SH2B2: variants seen among roughly 807,000 people sequenced by gnomAD.
SH2B2 encodes the protein SH2B adapter protein 2.
In SH2B2, 37 loss-of-function variants were observed where a neutral mutation model predicts 35.7. The ratio of observed to expected loss-of-function variants is 1.04; its 90% CI spans 0.80 to 1.36. SH2B2 has a LOEUF of 1.36. Among genes scored for constraint, SH2B2 ranks in the 40% most tolerant of loss-of-function variants. The probability of loss-of-function intolerance (pLI) is 0.00; values close to 1 mark genes in which losing one functional copy is unlikely to be tolerated. For synonymous variants in SH2B2, 383 were observed against 376.4 expected (o/e 1.02, Z -0.20); for missense variants, 852 against 817.7 (o/e 1.04, Z -0.51).
intron 1 of SH2B2, among the ~76,000 whole-genome samples, chr7:102,289,076 T>C (rs1586560619): frequency 6.6e-6 from 1 of 152,240 alleles, no homozygotes; most frequent in East Asian, 1.9e-4. Flanking sequence ...CTATGCTCTG[T>C]CTAGGGGGAT....
intron 1 of SH2B2, among the ~76,000 whole-genome samples, chr7:102,287,405 G>A (rs1792497748): frequency 6.6e-6 from 1 of 152,198 alleles, no homozygotes; most frequent in Non-Finnish European, 1.5e-5. Context: ...CGGGTAGTGG[G>A]GCGAGAGCAG....
chr7:102,308,829 C>A lies in SH2B2; in HGVS notation c.846C>A (p.Ala282=). 1 of 1,613,590 alleles carries A rather than the reference C, an allele frequency of 6.2e-7. No individual in the cohort carries two copies. The highest frequency in any genetic ancestry group is 1.1e-5 in the South Asian group (1 of 91,078). The change falls in exon 4 of 9, where the codon GCC becomes GCA. Residue 282 remains alanine, a synonymous_variant. Transcript: ENST00000444095. ...NTFVLKVENG[A]EYILETIDSL... ...TTCCTCCCCAGGTAGAGAATGGAGC[C>A]GAATACATCTTGGAGACCATCGACT...
At position 102,310,803 on chromosome 7, in the gene SH2B2, TCAC is replaced by T. The variant is rs1467175810; in HGVS notation, c.923+1898_923+1900del. On this transcript the variant is annotated intron_variant, in intron 4 of 8. Coordinates refer to ENST00000444095, the MANE Select transcript of SH2B2 (RefSeq NM_001359228.2). Reference sequence around the variant, plus strand: ...TCCCCAGCCGCTGTGAAGGTGAACCTCACTTAGTGGAATTTTCGAGCTGGCAGG... The same window carrying T: ...TCCCCAGCCGCTGTGAAGGTGAACCTTTAGTGGAATTTTCGAGCTGGCAGG... 5.9e-5 allele frequency among the ~76,000 whole-genome samples: 9 copies of T among 152,146 alleles called. No individual in the cohort carries two copies. In the East Asian group the frequency reaches 1.7e-3, roughly 29 times the overall value.
chr7:102,308,447 C>T (rs1407108460), intron 3 of SH2B2, among the ~76,000 whole-genome samples: 1 of 152,204 alleles, frequency 6.6e-6, no homozygotes, highest in African/African-American at 2.4e-5. Context: ...TCTCTCCACT[C>T]AACTTGAACC....
rs781790470 is a variant in SH2B2 at position 102,301,241 on chromosome 7, G to C, written c.691G>C (p.Glu231Gln). The C allele has an allele frequency of 1.2e-6, 2 of 1,604,236 alleles. No homozygotes were observed. The highest frequency in any genetic ancestry group is 1.7e-6 in the Non-Finnish European group (2 of 1,176,122). ...CRLLLRRAVAEERFRLEFFVP... is the reference protein window; with the variant it reads ...CRLLLRRAVAQERFRLEFFVP... The stretch of plus-strand genomic sequence containing the variant: ...CCTGCTCCTGCGCAGGGCTGTGGCC[G>C]AGGAACGCTTCCGCCTGGAGTTCTT... The change falls in exon 2 of 9, where the codon GAG becomes CAG. Residue 231 changes from glutamate to glutamine, a missense_variant. Physicochemically the swap from Glu to Gln is conservative, Grantham distance 29 (BLOSUM62 2). This residue lies in a region of SH2B2 where 556 missense variants were observed against 514.5 expected (regional missense o/e 1.08). Coordinates refer to ENST00000444095, the MANE Select transcript of SH2B2 (RefSeq NM_001359228.2).
intron 7 of SH2B2, among the ~76,000 whole-genome samples, chr7:102,319,996 C>G (rs1172966908): frequency 2.6e-5 from 4 of 152,318 alleles, no homozygotes; most frequent in Middle Eastern, 6.8e-3. Flanking sequence ...GTCACTCCCC[C>G]TCCCTGGGCC....
chr7:102,311,188 C>T (rs1194803812), intron 4 of SH2B2, among the ~76,000 whole-genome samples: 10 of 152,008 alleles, frequency 6.6e-5, no homozygotes, highest in Admixed American at 4.6e-4. Context: ...CTCCTGGGCT[C>T]GACTGATCTG....
chr7:102,304,212 G>A (rs1793305179), intron 2 of SH2B2, among the ~76,000 whole-genome samples: 1 of 152,134 alleles, frequency 6.6e-6, no homozygotes, highest in East Asian at 1.9e-4. Flanking sequence ...TCAGGAGCTC[G>A]GGGCCTGCAG....
intron 4 of SH2B2, among the ~76,000 whole-genome samples, chr7:102,313,615 A>G (rs1473390150): frequency 6.6e-6 from 1 of 152,038 alleles, no homozygotes; most frequent in Non-Finnish European, 1.5e-5. Flanking sequence ...AAGTTTTTAC[A>G]TAGAATATTT....
At position 102,306,768 on chromosome 7, in the gene SH2B2, C is replaced by A. The variant is rs1402818867; in HGVS notation, c.777C>A (p.Val259=). 2 of 1,601,128 alleles carry A rather than the reference C, an allele frequency of 1.2e-6. No individual in the cohort carries two copies. The highest frequency in any genetic ancestry group is 8.5e-7 in the Non-Finnish European group (1 of 1,174,206). The change falls in exon 3 of 9, where the codon GTC becomes GTA. Residue 259 remains valine, a synonymous_variant. Coordinates refer to ENST00000444095, the MANE Select transcript of SH2B2 (RefSeq NM_001359228.2). ...VSIPLSAIIE[V]RTTMPLEMPE... ...TCCCACTGTCAGCCATCATTGAGGT[C>A]CGCACCACCATGCCCCTGGAAATGC...
Position 102,297,900 on chromosome 7 carries a change from G to A in SH2B2, c.-29-2622G>A, listed in dbSNP as rs1792985628. Among the ~76,000 whole-genome samples the A allele has an allele frequency of 6.6e-6, 1 of 152,132 alleles. No homozygotes were observed. Among genetic ancestry groups the A allele is most frequent in the South Asian group, 2.1e-4 (1 of 4,818 alleles). Reference sequence around the variant, plus strand: ...GGCAGAGTGCATGAACGCATCAGAGGGAGTATTGTCATCAGAGGGATTTGT... The same window carrying A: ...GGCAGAGTGCATGAACGCATCAGAGAGAGTATTGTCATCAGAGGGATTTGT... On this transcript the variant is annotated intron_variant, in intron 1 of 8. Coordinates refer to ENST00000444095, the MANE Select transcript of SH2B2 (RefSeq NM_001359228.2). The surrounding 1 kb of genome is among the most constrained non-coding windows in gnomAD (Gnocchi z 4.3).
chr7:102,301,588 G>GCA lies in SH2B2; in HGVS notation c.729+310_729+311insAC, dbSNP rs141974645. Among the ~76,000 whole-genome samples, 1,394 of 151,680 alleles carry GCA rather than the reference G, an allele frequency of 9.2e-3. 13 individuals are homozygous for GCA. Among genetic ancestry groups the GCA allele is most frequent in the African/African-American group, 0.033 (1,352 of 41,344 alleles). ...TGTGTGTGTGTGTGTGTGTGCGCGC[G>GCA]CGTGTGTGTGTGTCCCTCTGTCACC... On this transcript the variant is annotated intron_variant, in intron 2 of 8. Coordinates refer to ENST00000444095, the MANE Select transcript of SH2B2 (RefSeq NM_001359228.2).
intron 1 of SH2B2, among the ~76,000 whole-genome samples, chr7:102,291,213 CA>C (rs1263588879): frequency 6.6e-6 from 1 of 152,234 alleles, no homozygotes; most frequent in Non-Finnish European, 1.5e-5. Flanking sequence ...ACGCCGGTGC[CA>C]GCAGGGCTTG....
chr7:102,296,961 A>G (rs1418788872), intron 1 of SH2B2, among the ~76,000 whole-genome samples: 2 of 151,880 alleles, frequency 1.3e-5, no homozygotes, highest in Non-Finnish European at 2.9e-5. Flanking sequence ...CCTGGGAGAC[A>G]CTGCAAGACT....
chr7:102,305,893 CTT>C (rs1292537190), intron 2 of SH2B2, among the ~76,000 whole-genome samples: 2,833 of 107,028 alleles, frequency 0.026, 54 homozygotes, highest in African/African-American at 0.098. Context: ...TTTTTTTTTT[CTT>C]TTTTTTTTTT....
intron 6 of SH2B2, 194 bp from the exon 7 acceptor site, chr7:102,316,993 G>A (rs782273040): frequency 7.5e-6 from 4 of 533,852 alleles, no homozygotes; most frequent in Non-Finnish European, 1.3e-5. Context: ...TTGCACTCCA[G>A]CCTGGGCGAC....
chr7:102,294,508 C>A (rs1792825416), intron 1 of SH2B2, among the ~76,000 whole-genome samples: 2 of 152,148 alleles, frequency 1.3e-5, no homozygotes, highest in Non-Finnish European at 2.9e-5. Context: ...TGCCATCTTG[C>A]CAGTGAGTGG....
In SH2B2 at chr7:102,317,204, A is replaced by T; in HGVS notation, c.1204A>T (p.Thr402Ser). The T allele has an allele frequency of 6.2e-7, 1 of 1,604,668 alleles. No homozygotes were observed. The highest frequency in any genetic ancestry group is 1.3e-5 in the African/African-American group (1 of 74,726). ...CACCTCAGGGGAACAGGGTGCAGAG[A>T]CGGATCCCGAGGCTGAACCCGAGCT... ...SNNTGEQGAETDPEAEPELEL... is the reference protein window; with the variant it reads ...SNNTGEQGAESDPEAEPELEL... Residue 402 changes from threonine (T) to serine (S), a missense_variant, in exon 7 of 9, where the codon ACG (threonine) becomes TCG (serine). Physicochemically the swap from Thr to Ser is moderately conservative, Grantham distance 58. Around this residue, in one of 3 missense-constraint regions of SH2B2, gnomAD observed 556 missense variants for 514.5 expected, o/e 1.08. Coordinates refer to ENST00000444095, the MANE Select transcript of SH2B2 (RefSeq NM_001359228.2).
At position 102,317,540 on chromosome 7, in the gene SH2B2, A is replaced by G. The variant is rs1018534475; in HGVS notation, c.1395+145A>G. Reference sequence around the variant, plus strand: ...ACTTCCCACGGGCCCCACTCACCCCAGCCATGCTCCGTGAGCCACCTGCGT... The same window carrying G: ...ACTTCCCACGGGCCCCACTCACCCCGGCCATGCTCCGTGAGCCACCTGCGT... On this transcript the variant is annotated intron_variant, in intron 7 of 8. Transcript: ENST00000444095. The G allele has an allele frequency of 5.6e-6, 4 of 710,300 alleles. No individual in the cohort carries two copies. The African/African-American group carries it at 7.2e-5, about 13-fold the overall frequency. 44.0% of individuals were successfully genotyped at this position (710,300 alleles called of 1,614,324 possible).
Sources: gnomAD v4.1 joint callset for allele counts (sites outside exome capture counted in the v4.1 genomes callset) on GRCh38, gnomAD v4.1.1 for gene constraint, gnomAD v4.1.1 regional missense constraint, Gnocchi (gnomAD v3.1) non-coding constraint, MANE v1.5 for transcripts, NCBI Gene and HGNC (gene_info 2026-07-23, HGNC 2026-07-21) for gene names.